Variants in BOD1L1 observed in about 807,000 individuals in gnomAD.
BOD1L1 encodes biorientation of chromosomes in cell division 1 like 1.
Under a neutral mutation model 240.7 loss-of-function variants are expected in BOD1L1, and 86 were observed. The ratio of observed to expected loss-of-function variants is 0.36; its 90% CI spans 0.30 to 0.43. BOD1L1 has a LOEUF of 0.43. BOD1L1 is among the 20% of genes least tolerant of loss of function. BOD1L1 has a pLI of 1.00. For synonymous variants in BOD1L1, 1,268 were observed against 1,272.3 expected (o/e 1.00, Z 0.07); for missense variants, 3,554 against 3,643.5 (o/e 0.98, Z 0.63).
At chr4:13,618,867 T>TA (rs11367235) in intron 2 of BOD1L1, among the ~76,000 whole-genome samples, 87,339 of 146,632 alleles carry the variant, frequency 0.6, 29,690 homozygotes, top group East Asian at 0.95. Context: ...GTTTAACTGT[T>TA]AAAAAAAAAA....
Position 13,613,166 on chromosome 4 carries a change from C to T in BOD1L1, c.1324+346G>A, listed in dbSNP as rs766008307. Among the ~76,000 whole-genome samples, 2 of 152,172 alleles carry T rather than the reference C, an allele frequency of 1.3e-5. No homozygotes were observed. Among genetic ancestry groups the T allele is most frequent in the Admixed American group, 6.5e-5 (1 of 15,276 alleles). On this transcript the variant is annotated intron_variant, in intron 5 of 25. Transcript: ENST00000040738. The surrounding 1 kb of genome is among the most constrained non-coding windows in gnomAD (Gnocchi z 4.0). The stretch of plus-strand genomic sequence containing the variant: ...GTCTTAGGGAACCCGGAACTTGCAA[C>T]TGGTGCCATTAATTGAGGGCAGTGT...
intron 1 of BOD1L1, among the ~76,000 whole-genome samples, chr4:13,622,222 C>A (rs766408227): frequency 1.3e-5 from 2 of 152,082 alleles, no homozygotes; most frequent in African/African-American, 4.8e-5. Flanking sequence ...TTCTTCTTTC[C>A]GGTATTCCCA....
intron 12 of BOD1L1, among the ~76,000 whole-genome samples, chr4:13,594,015 A>C (rs1322988133): frequency 6.6e-6 from 1 of 152,242 alleles, no homozygotes; most frequent in Non-Finnish European, 1.5e-5. Flanking sequence ...CAAAGCTAAA[A>C]GTAGAGGCTA....
chr4:13,577,679 T>A, intron 22 of BOD1L1, 48 bp from the exon 23 acceptor site: 1 of 1,402,410 alleles, frequency 7.1e-7, no homozygotes, highest in East Asian at 2.5e-5. Context: ...TACTGTAAAT[T>A]TAAATTTCAA....
intron 1 of BOD1L1, chr4:13,623,444 G>T (rs558635698): frequency 7.2e-5 from 11 of 152,312 alleles, no homozygotes; most frequent in African/African-American, 2.6e-4. Flanking sequence ...ACACGCTCCA[G>T]ATGCTAATCA....
At chr4:13,577,075 G>A in intron 24 of BOD1L1, 84 bp from the exon 25 acceptor site, 1 of 1,466,956 alleles carries the variant, frequency 6.8e-7, no homozygotes, top group Non-Finnish European at 9.2e-7. Context: ...TTAGAACTTA[G>A]GATATTAGGG....
At chr4:13,588,888 G>T in intron 14 of BOD1L1, 96 bp from the exon 15 acceptor site, 1 of 824,270 alleles carries the variant, frequency 1.2e-6, no homozygotes, top group Non-Finnish European at 1.8e-6. Context: ...AGAAAACTGA[G>T]TTAGTAACTT....
chr4:13,603,408 C>T lies in BOD1L1; in HGVS notation c.3492G>A (p.Lys1164=). The T allele has an allele frequency of 6.2e-7, 1 of 1,613,716 alleles. No homozygotes were observed. Among genetic ancestry groups the T allele is most frequent in the South Asian group, 1.1e-5 (1 of 91,032 alleles). The change falls in exon 10 of 26, where the codon AAG becomes AAA. Residue 1164 remains lysine, a synonymous_variant. Coordinates refer to ENST00000040738, the MANE Select transcript of BOD1L1 (RefSeq NM_148894.3). ...CTGCTGTGCAAGTTCTCAATTCATC[C>T]TTTTGAACAGTGGCAGAAGTTTTTT... The part of the protein sequence containing the change: ...MKQKTSATVQ[K]DELRTCTADS...
At chr4:13,608,145 A>G (rs910018685) in intron 8 of BOD1L1, among the ~76,000 whole-genome samples, 3 of 152,178 alleles carry the variant, frequency 2.0e-5, no homozygotes, top group Non-Finnish European at 4.4e-5. Context: ...AACGGCATGG[A>G]AAGACTGGAA....
chr4:13,584,557 A>G (rs923697597), intron 17 of BOD1L1, among the ~76,000 whole-genome samples: 2 of 151,102 alleles, frequency 1.3e-5, no homozygotes, highest in Non-Finnish European at 2.9e-5. Flanking sequence ...CTACACTTTT[A>G]TCTGTTTCAT....
At chr4:13,619,480 C>A (rs1018910488) in intron 2 of BOD1L1, among the ~76,000 whole-genome samples, 2 of 151,860 alleles carry the variant, frequency 1.3e-5, no homozygotes, top group African/African-American at 4.8e-5. Context: ...AGTTAAAAGT[C>A]ATAGTAAAAT....
At position 13,615,327 on chromosome 4, in the gene BOD1L1, A is replaced by C; in HGVS notation, c.544T>G (p.Ser182Ala). 1 of 1,610,890 alleles carries C rather than the reference A, an allele frequency of 6.2e-7. No homozygotes were observed. Among genetic ancestry groups the C allele is most frequent in the Non-Finnish European group, 8.5e-7 (1 of 1,178,338 alleles). Residue 182 changes from serine (S) to alanine (A), a missense_variant, in exon 3 of 26, where the codon TCC becomes GCC. Physicochemically the swap from Ser to Ala is moderately conservative, Grantham distance 99. Coordinates refer to ENST00000040738, the MANE Select transcript of BOD1L1 (RefSeq NM_148894.3). ...AGCAAAGCACCTTGTGTAATAAGGGAAGTGTCTGGTTTCTCATCATCGGGA... is the reference window on the plus strand; with the variant it reads ...AGCAAAGCACCTTGTGTAATAAGGGCAGTGTCTGGTTTCTCATCATCGGGA... ...TAPDDEKPDT[S>A]LITQGVPTPG... is the part of the protein sequence containing the mutation.
intron 2 of BOD1L1, among the ~76,000 whole-genome samples, chr4:13,619,305 T>TAAAAAAAA (rs10650324): frequency 7.6e-6 from 1 of 130,796 alleles, no homozygotes; most frequent in African/African-American, 2.9e-5. Flanking sequence ...TGAGACTCTT[T>TAAAAAAAA]AAAAAAAAAA....
In BOD1L1 at chr4:13,603,415, A is replaced by G; in HGVS notation, c.3485T>C (p.Val1162Ala). 6.2e-7 allele frequency: 1 copy of G among 1,613,684 alleles called. No individual in the cohort carries two copies. The highest frequency in any genetic ancestry group is 8.5e-7 in the Non-Finnish European group (1 of 1,179,828). ...ENMKQKTSAT[V>A]QKDELRTCTA... ...GCAAGTTCTCAATTCATCCTTTTGA[A>G]CAGTGGCAGAAGTTTTTTGTTTCAT... Residue 1162 changes from valine to alanine, a missense_variant, in exon 10 of 26, where the codon GTT becomes GCT. Around this residue, in one of 2 missense-constraint regions of BOD1L1, gnomAD observed 3,393 missense variants for 3,427.1 expected, o/e 0.99. Coordinates refer to ENST00000040738, the MANE Select transcript of BOD1L1 (RefSeq NM_148894.3).
rs1284535684 is a variant in BOD1L1, at chr4:13,604,418, C to T, written c.2482G>A (p.Glu828Lys). Residue 828 changes from glutamate to lysine, a missense_variant, in exon 10 of 26, where the codon GAG (glutamate) becomes AAG (lysine). Physicochemically the swap from Glu to Lys is moderately conservative, Grantham distance 56. This residue lies in a region of BOD1L1 where 3,393 missense variants were observed against 3,427.1 expected (regional missense o/e 0.99). Transcript: ENST00000040738. ...ENVRKENNKK[E>K]RRLSAEKTKA... ...GTTTTTTCAGCTGACAAGCGTCTCT[C>T]TTTTTTGTTGTTTTCTTTACGAACA... 6.4e-7 allele frequency: 1 copy of T among 1,572,932 alleles called. No individual in the cohort carries two copies. The highest frequency in any genetic ancestry group is 2.3e-5 in the East Asian group (1 of 44,234).
intron 16 of BOD1L1, among the ~76,000 whole-genome samples, 175 bp from the exon 17 acceptor site, chr4:13,586,650 C>T (rs541368622): frequency 6.6e-6 from 1 of 152,306 alleles, no homozygotes; most frequent in East Asian, 1.9e-4. Context: ...ACTTGCCTTT[C>T]GCCCTGGCAA....
chr4:13,617,350 A>G (rs1351471715), intron 2 of BOD1L1, among the ~76,000 whole-genome samples: 1 of 152,082 alleles, frequency 6.6e-6, no homozygotes, highest in Non-Finnish European at 1.5e-5. Context: ...CCTATGTTCC[A>G]GCCTCTTGTT....
rs1717506154 is a variant in BOD1L1, at chr4:13,627,537, G to GGGAGGCGGAGGCGCCGGA, written c.50_51insTCCGGCGCCTCCGCCTCC (p.Ala13_Pro18dup). ...GTGGCTGCGGCTGCGGCTGCGGCGG[G>GGGAGGCGGAGGCGCCGGA]GGAGGCGGCGGCGCCGGAGGAGGCG... is the stretch of plus-strand genomic sequence containing the variant. On this transcript the variant is annotated inframe_insertion, in exon 1 of 26. Coordinates refer to ENST00000040738, the MANE Select transcript of BOD1L1 (RefSeq NM_148894.3). 8.9e-7 allele frequency: 1 copy of GGGAGGCGGAGGCGCCGGA among 1,123,994 alleles called. No individual in the cohort carries two copies. Among genetic ancestry groups the GGGAGGCGGAGGCGCCGGA allele is most frequent in the Non-Finnish European group, 1.1e-6 (1 of 918,766 alleles). 69.6% of individuals were successfully genotyped at this position (1,123,994 alleles called of 1,614,324 possible).
At chr4:13,624,217 G>A (rs1717229963) in intron 1 of BOD1L1, 1 of 152,014 alleles carries the variant, frequency 6.6e-6, no homozygotes, top group South Asian at 2.1e-4. Context: ...TTAGTGGCAG[G>A]GAGGGGGAGA....
Sources: allele counts gnomAD v4.1 joint callset (sites outside exome capture counted in the v4.1 genomes callset), GRCh38; gene constraint gnomAD v4.1.1; regional missense constraint gnomAD v4.1.1; non-coding constraint Gnocchi (gnomAD v3.1); transcripts MANE v1.5; gene names NCBI Gene and HGNC (gene_info 2026-07-23, HGNC 2026-07-21).